The following KAZN variants were observed in gnomAD, a reference collection of about 807,000 sequenced individuals.
KAZN encodes kazrin, periplakin interacting protein.
A neutral mutation model predicts 87.4 loss-of-function variants in KAZN; 40 were observed. That is an observed-to-expected ratio of 0.46 (90% confidence interval 0.36 to 0.60). The LOEUF is 0.60. Among genes scored for constraint, KAZN ranks in the 20% least tolerant of loss-of-function variants. The pLI is 0.00. For synonymous variants in KAZN, 466 were observed against 458.3 expected, an observed-to-expected ratio of 1.02 and a Z score of -0.22; for missense variants, 898 against 1,073.9, an observed-to-expected ratio of 0.84 and a Z score of 2.29.
At chr1:14,524,975 T>C (rs1331188526) in intron 2 of KAZN, among the ~76,000 whole-genome samples, 1 of 152,240 alleles carries the variant, frequency 6.6e-6, no homozygotes, top group Non-Finnish European at 1.5e-5. Context: ...CTTGGCTAGA[T>C]GTATTTAACA....
At chr1:14,135,000 CACAT>C (rs373937307) in intron 1 of KAZN, among the ~76,000 whole-genome samples, 10,243 of 56,940 alleles carry the variant, frequency 0.18, 469 homozygotes, top group East Asian at 0.46. Context: ...CACACACACA[CACAT>C]GTGCACACAT....
At chr1:14,698,728 G>A (rs762678234) in intron 1 of KAZN, among the ~76,000 whole-genome samples, 11 of 152,198 alleles carry the variant, frequency 7.2e-5, no homozygotes, top group African/African-American at 2.7e-4. Context: ...GCACCAGCCC[G>A]TTTCATATCC....
intron 2 of KAZN, among the ~76,000 whole-genome samples, chr1:14,488,943 C>G (rs1669497368): frequency 6.6e-6 from 1 of 152,168 alleles, no homozygotes; most frequent in Non-Finnish European, 1.5e-5. Flanking sequence ...TGTTTCACTG[C>G]CCTCAGCACT....
In KAZN at chr1:14,937,206, C is replaced by T. The variant is rs528593649; in HGVS notation, c.227-23478C>T. Among the ~76,000 whole-genome samples the T allele has an allele frequency of 2.3e-3, 347 of 152,360 alleles. 3 individuals carry two copies. The highest frequency in any genetic ancestry group is 8.1e-3 in the African/African-American group (337 of 41,590). On this transcript the variant is annotated intron_variant, in intron 1 of 14. Transcript: ENST00000376030. ...GCAGAAGGTGAAGATGGCTCCTCAGCAAGCCTGTGTCTATGCCCCTTGCTA... is the reference window on the plus strand; with the variant it reads ...GCAGAAGGTGAAGATGGCTCCTCAGTAAGCCTGTGTCTATGCCCCTTGCTA...
chr1:14,215,245 G>A (rs1180699813), intron 2 of KAZN, among the ~76,000 whole-genome samples: 1 of 152,172 alleles, frequency 6.6e-6, no homozygotes, highest in Non-Finnish European at 1.5e-5. Context: ...TAAGTATGAT[G>A]TAGAAGGAAT....
At chr1:14,867,061 C>A (rs1214424551) in intron 1 of KAZN, among the ~76,000 whole-genome samples, 1 of 151,340 alleles carries the variant, frequency 6.6e-6, no homozygotes, top group Non-Finnish European at 1.5e-5. Flanking sequence ...GCTGACCTTG[C>A]AATGCCCTTC....
Position 14,599,142 on chromosome 1 carries a change from G to T in KAZN, c.145G>T (p.Gly49Cys). The change falls in exon 1 of 15, where the codon GGC becomes TGC. Residue 49 changes from glycine to cysteine, a missense_variant. Physicochemically the swap from Gly to Cys is radical, Grantham distance 159 (BLOSUM62 -3). This residue lies in a region of KAZN where 250 missense variants were observed against 263.0 expected (regional missense o/e 0.95). Coordinates refer to ENST00000376030, the MANE Select transcript of KAZN (RefSeq NM_201628.3). This position sits in a 1 kb window ranked among gnomAD's most constrained non-coding sequence, Gnocchi z 4.4. ...GAGCGGCGGCGGCGGCCCCGGCCCG[G>T]GCCCGGGAGCCGCGGCCAGCGCCTC... is the stretch of plus-strand genomic sequence containing the variant. Reference protein sequence around the residue: ...ELSGGGGPGPGPGAAASASAA... With the variant: ...ELSGGGGPGPCPGAAASASAA... 6.9e-7 allele frequency: 1 copy of T among 1,448,718 alleles called. No homozygotes were observed. Among genetic ancestry groups the T allele is most frequent in the African/African-American group, 1.5e-5 (1 of 67,152 alleles). 89.7% of individuals were successfully genotyped at this position (1,448,718 alleles called of 1,614,324 possible). A position where few individuals can be genotyped will look rare whatever the true frequency, so the allele number is the denominator to read the frequency against.
chr1:14,850,639 G>C (rs536767067), intron 1 of KAZN, among the ~76,000 whole-genome samples: 2 of 152,160 alleles, frequency 1.3e-5, no homozygotes, highest in African/African-American at 4.8e-5. Flanking sequence ...ACTTGAGGAC[G>C]GGGCCACATC....
chr1:14,586,808 G>C lies in KAZN; in HGVS notation c.250-12175G>C, dbSNP rs535908980. Among the ~76,000 whole-genome samples the C allele has an allele frequency of 9.2e-5, 14 of 152,160 alleles. 1 individual carries two copies. The South Asian group carries it at 2.7e-3, about 29-fold the overall frequency. ...TCGTACCTTGGCCTCTCAAAGTGCT[G>C]GGATTGTAGGCATCAATCAAATGCC... On this transcript the variant is annotated intron_variant, in intron 2 of 16. Coordinates refer to the KAZN transcript ENST00000636203.
intron 2 of KAZN, among the ~76,000 whole-genome samples, chr1:14,293,503 G>T (rs1019647490): frequency 2.6e-5 from 4 of 152,046 alleles, no homozygotes; most frequent in Non-Finnish European, 4.4e-5. Flanking sequence ...GTGTTGCCAT[G>T]TCCCAACAGG....
chr1:14,790,566 AG>A (rs1278942888), intron 1 of KAZN, among the ~76,000 whole-genome samples: 1 of 152,174 alleles, frequency 6.6e-6, no homozygotes, highest in Non-Finnish European at 1.5e-5. Flanking sequence ...TAAAAAGCAA[AG>A]GGGCTTTTTG....
At chr1:14,063,839 G>A (rs973438463) in intron 1 of KAZN, among the ~76,000 whole-genome samples, 1 of 152,110 alleles carries the variant, frequency 6.6e-6, no homozygotes, top group Admixed American at 6.5e-5. Context: ...GGAGTTCCGC[G>A]GCATAGGCTC....
At chr1:14,392,355 G>GA in intron 2 of KAZN, among the ~76,000 whole-genome samples, 1 of 152,288 alleles carries the variant, frequency 6.6e-6, no homozygotes, top group Non-Finnish European at 1.5e-5. Flanking sequence ...CTGTAATAGG[G>GA]AGCGACTGAG....
At chr1:14,908,892 G>A (rs1049439754) in intron 1 of KAZN, among the ~76,000 whole-genome samples, 1 of 151,948 alleles carries the variant, frequency 6.6e-6, no homozygotes, top group African/African-American at 2.4e-5. Context: ...GCAGGCGCCT[G>A]TAATCCCAGC....
intron 1 of KAZN, among the ~76,000 whole-genome samples, chr1:14,733,286 G>A (rs1239407261): frequency 6.6e-6 from 1 of 152,130 alleles, no homozygotes; most frequent in African/African-American, 2.4e-5. Flanking sequence ...GTCAGGACAA[G>A]TCCCAGAGAA....
Position 14,698,768 on chromosome 1 carries a change from G to T in KAZN, c.226+99545G>T, listed in dbSNP as rs183982113. 3.0e-4 allele frequency among the ~76,000 whole-genome samples: 45 copies of T among 152,340 alleles called. 1 individual carries two copies. In the East Asian group the frequency reaches 3.7e-3, roughly 12 times the overall value. ...TCCCAGAACCCTGAATGGATTAAAA[G>T]CATGGGTGGGAAAAGTTTGCTGAAT... On this transcript the variant is annotated intron_variant, in intron 1 of 14. Coordinates refer to ENST00000376030, the MANE Select transcript of KAZN (RefSeq NM_201628.3).
chr1:14,332,458 T>A (rs1656918946), intron 2 of KAZN, among the ~76,000 whole-genome samples: 1 of 152,204 alleles, frequency 6.6e-6, no homozygotes, highest in Non-Finnish European at 1.5e-5. Context: ...TCAGAGGCTC[T>A]GATGTTTGAC....
intron 1 of KAZN, among the ~76,000 whole-genome samples, chr1:14,008,479 T>C (rs1640135315): frequency 6.6e-6 from 1 of 152,250 alleles, no homozygotes; most frequent in Non-Finnish European, 1.5e-5. Flanking sequence ...AATTAATTTG[T>C]TCAAAGATCA....
At chr1:14,453,299 G>T (rs1667384269) in intron 2 of KAZN, among the ~76,000 whole-genome samples, 1 of 152,030 alleles carries the variant, frequency 6.6e-6, no homozygotes, top group South Asian at 2.1e-4. Flanking sequence ...TCCCATTTTT[G>T]ATAGCAACAT....
Sources: allele counts gnomAD v4.1 joint callset (sites outside exome capture counted in the v4.1 genomes callset), GRCh38; gene constraint gnomAD v4.1.1; regional missense constraint gnomAD v4.1.1; non-coding constraint Gnocchi (gnomAD v3.1); transcripts MANE v1.5; gene names NCBI Gene and HGNC (gene_info 2026-07-23, HGNC 2026-07-21).